ADAM18: variants seen among roughly 807,000 people sequenced by gnomAD.
The protein encoded by ADAM18 is ADAM metallopeptidase domain 18.
A neutral mutation model predicts 94.4 loss-of-function variants in ADAM18; 117 were observed. The observed-to-expected ratio is 1.24, with a 90% CI of 1.07 to 1.45. The LOEUF (loss-of-function observed/expected upper bound fraction) is 1.45, where lower values mean the gene tolerates loss of function less well. Ranked by LOEUF, ADAM18 falls within the 40% of genes most tolerant of loss-of-function variation. The pLI, the probability that ADAM18 is intolerant of heterozygous loss-of-function variation, is 0.00. For synonymous variants in ADAM18, 327 were observed against 291.6 expected (o/e 1.12, Z -1.24); for missense variants, 936 against 880.0 (o/e 1.06, Z -0.81).
intron 18 of ADAM18, among the ~76,000 whole-genome samples, chr8:39,716,095 T>G (rs996136991): frequency 2.6e-5 from 4 of 152,102 alleles, no homozygotes; most frequent in Admixed American, 2.6e-4. Flanking sequence ...TCTCTCTCTC[T>G]TTTTTCTAGG....
intron 14 of ADAM18, among the ~76,000 whole-genome samples, chr8:39,675,295 A>G (rs536951649): frequency 3.9e-4 from 60 of 152,246 alleles, no homozygotes; most frequent in African/African-American, 1.3e-3. Context: ...ACATAGTCCC[A>G]TATTTCTTGG....
chr8:39,685,732 ATTTC>A (rs1821591976), intron 16 of ADAM18, among the ~76,000 whole-genome samples: 1 of 152,004 alleles, frequency 6.6e-6, no homozygotes, highest in Non-Finnish European at 1.5e-5. Context: ...CGTGTTTAAT[ATTTC>A]TTTCTTTCTT....
chr8:39,724,960 T>A (rs202181892), intron 19 of ADAM18, among the ~76,000 whole-genome samples: 1 of 151,678 alleles, frequency 6.6e-6, no homozygotes, highest in Non-Finnish European at 1.5e-5. Flanking sequence ...ATTTTTTAAA[T>A]TTTTTGAGAA....
intron 19 of ADAM18, among the ~76,000 whole-genome samples, chr8:39,725,257 T>A (rs1267475858): frequency 1.3e-5 from 2 of 152,072 alleles, no homozygotes; most frequent in African/African-American, 2.4e-5. Flanking sequence ...TATACCCCTT[T>A]AAACCATCAT....
At chr8:39,592,584 A>G (rs1818603031) in intron 2 of ADAM18, among the ~76,000 whole-genome samples, 1 of 152,232 alleles carries the variant, frequency 6.6e-6, no homozygotes, top group Non-Finnish European at 1.5e-5. Flanking sequence ...GGAATAACCC[A>G]GAAGTAAAAA....
intron 13 of ADAM18, among the ~76,000 whole-genome samples, chr8:39,665,018 T>C (rs561338509): frequency 2.6e-5 from 4 of 152,252 alleles, no homozygotes; most frequent in Admixed American, 2.6e-4. Flanking sequence ...ATATTTAAGC[T>C]TATAACTAGC....
intron 16 of ADAM18, among the ~76,000 whole-genome samples, chr8:39,684,683 G>A (rs1311970759): frequency 6.6e-6 from 1 of 152,106 alleles, no homozygotes; most frequent in Non-Finnish European, 1.5e-5. Flanking sequence ...CAGCTCCACT[G>A]GGCATTGCCC....
intron 14 of ADAM18, among the ~76,000 whole-genome samples, chr8:39,676,784 T>G (rs1821315113): frequency 6.6e-6 from 1 of 152,192 alleles, no homozygotes; most frequent in Non-Finnish European, 1.5e-5. Flanking sequence ...TTGGCAAGTG[T>G]ATTATTTTCT....
intron 7 of ADAM18, among the ~76,000 whole-genome samples, chr8:39,631,167 C>T (rs911087762): frequency 2.0e-5 from 3 of 151,914 alleles, no homozygotes; most frequent in Non-Finnish European, 4.4e-5. Flanking sequence ...TAATTTTAAA[C>T]TCATTTAATG....
Position 39,608,387 on chromosome 8 carries a change from A to G in ADAM18, c.189-655A>G, listed in dbSNP as rs114661004. On this transcript the variant is annotated intron_variant, in intron 3 of 19. Transcript: ENST00000265707. The stretch of plus-strand genomic sequence containing the variant: ...TGTCTTTATCTGCTCAAACCCTCCA[A>G]TGCGTCTCATCTCTGTGACACTGTC... Among the ~76,000 whole-genome samples, 228 of 151,408 alleles carry G rather than the reference A, an allele frequency of 1.5e-3. 1 individual carries two copies. Among genetic ancestry groups the G allele is most frequent in the African/African-American group, 5.5e-3 (225 of 41,246 alleles).
At chr8:39,618,011 C>T (rs1173206408) in intron 6 of ADAM18, among the ~76,000 whole-genome samples, 1 of 152,134 alleles carries the variant, frequency 6.6e-6, no homozygotes, top group African/African-American at 2.4e-5. Flanking sequence ...GTTAATAAAA[C>T]CAGAAACCCT....
intron 6 of ADAM18, among the ~76,000 whole-genome samples, chr8:39,620,295 T>A (rs554585936): frequency 1.4e-5 from 2 of 139,824 alleles, no homozygotes; most frequent in Non-Finnish European, 3.0e-5. Context: ...CGAAACACTA[T>A]ATGACATAGG....
At chr8:39,678,709 AAAAGAT>A (rs1390932986) in intron 15 of ADAM18, among the ~76,000 whole-genome samples, 6 of 152,202 alleles carry the variant, frequency 3.9e-5, no homozygotes, top group Non-Finnish European at 8.8e-5. Flanking sequence ...ATTCATGAAA[AAAAGAT>A]AAAAGAAACC....
chr8:39,642,736 G>GT (rs1206754732), intron 10 of ADAM18, among the ~76,000 whole-genome samples: 2 of 151,632 alleles, frequency 1.3e-5, no homozygotes, highest in South Asian at 2.1e-4. Flanking sequence ...TTTTTTGTTT[G>GT]TTTTTTGCTT....
chr8:39,729,751 TATAG>T (rs1823021890), intron 19 of ADAM18, 143 bp from the exon 20 acceptor site: 3 of 622,040 alleles, frequency 4.8e-6, no homozygotes, highest in Middle Eastern at 4.5e-4. Flanking sequence ...ACATCTATAA[TATAG>T]ATAACCAAAC....
At chr8:39,607,439 A>G (rs1819120882) in intron 3 of ADAM18, among the ~76,000 whole-genome samples, 2 of 152,200 alleles carry the variant, frequency 1.3e-5, no homozygotes, top group East Asian at 1.9e-4. Context: ...AGAGGAAATT[A>G]TTCTCACTTA....
intron 14 of ADAM18, among the ~76,000 whole-genome samples, chr8:39,674,461 T>C (rs975601325): frequency 1.3e-5 from 2 of 152,218 alleles, no homozygotes; most frequent in Non-Finnish European, 2.9e-5. Flanking sequence ...TTTTTTTGCT[T>C]TCCATTTGCT....
intron 18 of ADAM18, among the ~76,000 whole-genome samples, chr8:39,716,541 C>G (rs2198204): frequency 0.35 from 52,580 of 151,730 alleles, 10,333 homozygotes; most frequent in East Asian, 0.75. Context: ...ACTTACATCC[C>G]CTTGTGATCT....
At chr8:39,643,469 A>G (rs999569480) in intron 10 of ADAM18, among the ~76,000 whole-genome samples, 1 of 152,044 alleles carries the variant, frequency 6.6e-6, no homozygotes, top group Admixed American at 6.6e-5. Flanking sequence ...TTTAAGATAT[A>G]TTACTTTGGG....
Sources: allele counts gnomAD v4.1 joint callset (sites outside exome capture counted in the v4.1 genomes callset), GRCh38; gene constraint gnomAD v4.1.1; transcripts MANE v1.5; gene names NCBI Gene and HGNC (gene_info 2026-07-23, HGNC 2026-07-21).